Variants in ZNF577 observed in about 807,000 individuals in gnomAD.
ZNF577 encodes the protein zinc finger protein 577.
Under a neutral mutation model 13.9 loss-of-function variants are expected in ZNF577, and 14 were observed. The observed-to-expected ratio is 1.00, with a 90% CI of 0.66 to 1.57. ZNF577 has a LOEUF of 1.57. Among genes scored for constraint, ZNF577 ranks in the 40% most tolerant of loss-of-function variants. The pLI is 0.00. For missense variants in ZNF577, 555 were observed against 579.2 expected, an observed-to-expected ratio of 0.96 and a Z score of 0.43; for synonymous variants, 203 against 202.9, an observed-to-expected ratio of 1.00 and a Z score of 0.00.
intron 3 of ZNF577, among the ~76,000 whole-genome samples, chr19:51,879,515 G>A (rs908956319): frequency 1.1e-4 from 17 of 152,164 alleles, no homozygotes; most frequent in Non-Finnish European, 2.1e-4. Flanking sequence ...GTTGCAGTGA[G>A]CCAAGATTGC....
At chr19:51,827,080 T>C (rs1171933532) in intron 9 of ZNF577, among the ~76,000 whole-genome samples, 1 of 152,174 alleles carries the variant, frequency 6.6e-6, no homozygotes, top group Non-Finnish European at 1.5e-5. Context: ...ATAGAAACTA[T>C]AATCCTACAT....
At chr19:51,853,607 A>G (rs1416524722) in intron 5 of ZNF577, among the ~76,000 whole-genome samples, 2 of 152,184 alleles carry the variant, frequency 1.3e-5, no homozygotes, top group African/African-American at 4.8e-5. Flanking sequence ...ACGGGAGTCT[A>G]TGTAGTAGAG....
At chr19:51,875,083 G>A (rs954649779) in intron 5 of ZNF577, among the ~76,000 whole-genome samples, 5 of 151,998 alleles carry the variant, frequency 3.3e-5, no homozygotes, top group South Asian at 2.1e-4. Context: ...TCAGAAAAGA[G>A]GGTGGCCAGG....
At chr19:51,842,564 C>T (rs1408148790) in intron 8 of ZNF577, among the ~76,000 whole-genome samples, 3 of 152,162 alleles carry the variant, frequency 2.0e-5, no homozygotes, top group South Asian at 2.1e-4. Flanking sequence ...GCCTGCAGAA[C>T]TGTGAGAAAT....
Position 51,824,572 on chromosome 19 carries a change from G to C in ZNF577, c.*600-12898C>G. ...TGGCTCAAAGAGATGTTGTTAAATG[G>C]CAAATACAAAATCATTCTTGTCCTG... On this transcript the variant is annotated intron_variant and NMD_transcript_variant, in intron 9 of 10. Transcript: ENST00000638827. The surrounding 1 kb of genome is among the most constrained non-coding windows in gnomAD (Gnocchi z 4.7). 1 of 1,614,120 alleles carries C rather than the reference G, an allele frequency of 6.2e-7. No individual in the cohort carries two copies. Among genetic ancestry groups the C allele is most frequent in the Non-Finnish European group, 8.5e-7 (1 of 1,180,008 alleles).
chr19:51,837,054 AAAAAAG>A (rs980855307), intron 9 of ZNF577, among the ~76,000 whole-genome samples: 12 of 151,154 alleles, frequency 7.9e-5, no homozygotes, highest in African/African-American at 2.9e-4. Context: ...AAAAAAAAAA[AAAAAAG>A]AAAAGAAAAG....
chr19:51,870,554 T>C lies in ZNF577; in HGVS notation c.*1978A>G, dbSNP rs898428840. Among the ~76,000 whole-genome samples the C allele has an allele frequency of 1.3e-5, 2 of 152,190 alleles. No homozygotes were observed. Among genetic ancestry groups the C allele is most frequent in the Non-Finnish European group, 2.9e-5 (2 of 68,034 alleles). On this transcript the variant is annotated 3_prime_UTR_variant, in exon 6 of 6. Transcript: ENST00000638348. The stretch of plus-strand genomic sequence containing the variant: ...CCACTCCAGCTGGTGGAAATGCTTG[T>C]GTGTAATCCAAGGATTTTTCTGCGT...
chr19:51,879,689 CTAGA>C (rs921039355), intron 3 of ZNF577, among the ~76,000 whole-genome samples: 32 of 152,196 alleles, frequency 2.1e-4, no homozygotes, highest in African/African-American at 7.7e-4. Context: ...CAGGGAGGAA[CTAGA>C]TAGAGACCCA....
rs2084437193 is a variant in ZNF577 at position 51,857,365 on chromosome 19, G to GAAA, written c.284-12435_284-12434insTTT. On this transcript the variant is annotated intron_variant and NMD_transcript_variant, in intron 5 of 10. Transcript: ENST00000638827. Reference sequence around the variant, plus strand: ...AAGAAAGAGAGAAAGAAAGAAGGAAGGAAAGAAAGAAAGAAAGAAAGAAAG... The same window carrying GAAA: ...AAGAAAGAGAGAAAGAAAGAAGGAAGAAAGAAAGAAAGAAAGAAAGAAAGAAAG... 4.5e-4 allele frequency among the ~76,000 whole-genome samples: 42 copies of GAAA among 93,348 alleles called. 1 individual carries two copies. Among genetic ancestry groups the GAAA allele is most frequent in the Middle Eastern group, 4.9e-3 (1 of 204 alleles). 61.2% of individuals were successfully genotyped at this position (93,348 alleles called of 152,430 possible).
intron 1 of ZNF577, among the ~76,000 whole-genome samples, chr19:51,883,322 G>A (rs547819614): frequency 1.7e-4 from 26 of 151,352 alleles, no homozygotes; most frequent in African/African-American, 5.6e-4. Flanking sequence ...ACAAGGTCTC[G>A]CTATGTTGGC....
In ZNF577 at chr19:51,872,582, G is replaced by C. The variant is rs2084676874; in HGVS notation, c.1408C>G (p.Pro470Ala). ...TACAAGATATAATTTATTACTGATG[G>C]GGCCACATTCACTTCATTTGTGAGG... ...ISLTNEVNVA[P>A]SVINYILYLT... The change falls in exon 6 of 6, where the codon CCA (proline) becomes GCA (alanine). Residue 470 changes from proline (P) to alanine (A), a missense_variant. Pro to Ala is a conservative substitution (Grantham distance 27). Coordinates refer to ENST00000638348, the MANE Select transcript of ZNF577 (RefSeq NM_001370449.1). The C allele has an allele frequency of 1.2e-6, 2 of 1,611,726 alleles. No individual in the cohort carries two copies. Among genetic ancestry groups the C allele is most frequent in the Non-Finnish European group, 1.7e-6 (2 of 1,179,156 alleles).
chr19:51,876,050 A>C (rs975764559), intron 5 of ZNF577, among the ~76,000 whole-genome samples: 3 of 152,226 alleles, frequency 2.0e-5, no homozygotes, highest in African/African-American at 7.2e-5. Flanking sequence ...ATTTTCCAGG[A>C]GGAAAGAGAA....
At chr19:51,876,380 A>C (rs1045483843) in intron 5 of ZNF577, among the ~76,000 whole-genome samples, 9 of 151,950 alleles carry the variant, frequency 5.9e-5, no homozygotes, top group African/African-American at 2.2e-4. Context: ...CTACTTTGCG[A>C]GTCTCCAGCA....
intron 5 of ZNF577, among the ~76,000 whole-genome samples, chr19:51,874,508 G>A (rs2084724482): frequency 6.6e-6 from 1 of 150,720 alleles, no homozygotes; most frequent in Non-Finnish European, 1.5e-5. Flanking sequence ...AAATGTAAGA[G>A]AAGCTGGTTT....
chr19:51,857,394 G>GAAAGAAAGAAAGAA (rs1568442176), intron 5 of ZNF577, among the ~76,000 whole-genome samples: 1 of 119,294 alleles, frequency 8.4e-6, no homozygotes, highest in African/African-American at 3.9e-5. Flanking sequence ...AAGAAAGAAA[G>GAAAGAAAGAAAGAA]AAAGAAAGAA....
chr19:51,870,467 CCA>C lies in ZNF577; in HGVS notation c.*2063_*2064del, dbSNP rs1264884975. ...TTACTGTAGAGCAAATCTGAGCCAC[CCA>C]CAGAGGCAATACTCCTTACTTAAGG... On this transcript the variant is annotated 3_prime_UTR_variant, in exon 6 of 6. Coordinates refer to ENST00000638348, the MANE Select transcript of ZNF577 (RefSeq NM_001370449.1). Among the ~76,000 whole-genome samples the C allele has an allele frequency of 5.3e-5, 8 of 152,248 alleles. No individual in the cohort carries two copies. Among genetic ancestry groups the C allele is most frequent in the Middle Eastern group, 3.4e-3 (1 of 294 alleles).
intron 5 of ZNF577, chr19:51,861,413 GGGCCAATGCGCCT>G (rs2084500861): frequency 6.5e-6 from 1 of 154,220 alleles, no homozygotes; most frequent in African/African-American, 2.4e-5. Flanking sequence ...TAACAGGCAT[GGGCCAATGCGCCT>G]GGCCAATGAT....
At chr19:51,854,443 C>T (rs2084397730) in intron 5 of ZNF577, among the ~76,000 whole-genome samples, 1 of 151,798 alleles carries the variant, frequency 6.6e-6, no homozygotes, top group Admixed American at 6.6e-5. Context: ...ATCCTCCTGC[C>T]TCTGCCTCCT....
rs781381313 is a variant in ZNF577 at position 51,878,455 on chromosome 19, C to A, written c.121G>T (p.Asp41Tyr). The change falls in exon 4 of 6, where the codon GAC becomes TAC. Residue 41 changes from aspartate (D) to tyrosine (Y), a missense_variant. Coordinates refer to ENST00000638348, the MANE Select transcript of ZNF577 (RefSeq NM_001370449.1). ...TTGTACAAGACCTTCTGAGACTGGT[C>A]CAAAAACTGCCACTCCTCCCTGGTG... The part of the protein sequence containing the change: ...GFTREEWQFL[D>Y]QSQKVLYKEV... 2.4e-5 allele frequency: 39 copies of A among 1,614,076 alleles called. 1 individual carries two copies. The South Asian group carries it at 3.7e-4, about 15-fold the overall frequency.
Sources: allele counts gnomAD v4.1 joint callset (sites outside exome capture counted in the v4.1 genomes callset), GRCh38; gene constraint gnomAD v4.1.1; non-coding constraint Gnocchi (gnomAD v3.1); transcripts MANE v1.5; gene names NCBI Gene and HGNC (gene_info 2026-07-23, HGNC 2026-07-21).